Variants in UNC5D observed in about 807,000 individuals in gnomAD.
UNC5D encodes unc-5 netrin receptor D, also known as netrin receptor UNC5D.
A neutral mutation model predicts 105.4 loss-of-function variants in UNC5D; 39 were observed. That is an observed-to-expected ratio of 0.37 (90% CI 0.29 to 0.48). The LOEUF (loss-of-function observed/expected upper bound fraction) is 0.48. Ranked by LOEUF, UNC5D falls within the 20% of genes least tolerant of loss-of-function variation. The pLI is 0.98. For synonymous variants in UNC5D, 452 were observed against 450.4 expected, an observed-to-expected ratio of 1.00 and a Z score of -0.04; for missense variants, 991 against 1,202.4, an observed-to-expected ratio of 0.82 and a Z score of 2.60.
intron 4 of UNC5D, among the ~76,000 whole-genome samples, chr8:35,670,785 G>GTTGATTGA (rs36042906): frequency 1.3e-5 from 2 of 151,856 alleles, no homozygotes; most frequent in South Asian, 2.1e-4. Flanking sequence ...TTGATGACAG[G>GTTGATTGA]TTGATAGGTG....
At position 35,471,965 on chromosome 8, in the gene UNC5D, T is replaced by TGAA. The variant is rs1216092312; in HGVS notation, c.104-77327_104-77326insGAA. Among the ~76,000 whole-genome samples the TGAA allele has an allele frequency of 3.5e-3, 539 of 152,328 alleles. 4 individuals are homozygous for TGAA. Among genetic ancestry groups the TGAA allele is most frequent in the African/African-American group, 0.012 (514 of 41,570 alleles). Reference sequence around the variant, plus strand: ...ATAAGCAGATATCTCAGTGTTTTCTTTGTGAATCAGTACTAGACAGGTAAA... The same window carrying TGAA: ...ATAAGCAGATATCTCAGTGTTTTCTTGAATGTGAATCAGTACTAGACAGGTAAA... On this transcript the variant is annotated intron_variant, in intron 1 of 16. Transcript: ENST00000404895.
intron 1 of UNC5D, among the ~76,000 whole-genome samples, chr8:35,314,617 T>C (rs1263192608): frequency 2.0e-5 from 3 of 152,170 alleles, no homozygotes; most frequent in Admixed American, 2.0e-4. Flanking sequence ...AGTGAAGTAG[T>C]CTTGGCATAA....
intron 1 of UNC5D, among the ~76,000 whole-genome samples, chr8:35,409,672 A>AT (rs1421867157): frequency 6.6e-6 from 1 of 151,612 alleles, no homozygotes; most frequent in African/African-American, 2.4e-5. Context: ...ATTCGGATAC[A>AT]TTTTTTCCCA....
intron 1 of UNC5D, among the ~76,000 whole-genome samples, chr8:35,452,392 G>A (rs1585874971): frequency 1.3e-5 from 2 of 152,180 alleles, no homozygotes; most frequent in African/African-American, 4.8e-5. Context: ...AGCCTCCTGA[G>A]TGGCTGGAAC....
intron 12 of UNC5D, among the ~76,000 whole-genome samples, chr8:35,750,200 G>A (rs558294153): frequency 1.2e-4 from 18 of 151,956 alleles, no homozygotes; most frequent in Non-Finnish European, 2.4e-4. Context: ...TGCAGTGGAT[G>A]GATCTCCGCC....
chr8:35,749,286 A>G (rs867618406), intron 12 of UNC5D, among the ~76,000 whole-genome samples: 6 of 152,222 alleles, frequency 3.9e-5, no homozygotes, highest in African/African-American at 1.2e-4. Context: ...ATAAGACATT[A>G]ACAACAGGGA....
chr8:35,252,156 G>A (rs545509440), intron 1 of UNC5D, among the ~76,000 whole-genome samples: 1 of 151,814 alleles, frequency 6.6e-6, no homozygotes, highest in East Asian at 1.9e-4. Flanking sequence ...CTGAGTAGCT[G>A]GGACTACAGG....
At chr8:35,334,095 T>G (rs1157780042) in intron 1 of UNC5D, among the ~76,000 whole-genome samples, 1 of 152,194 alleles carries the variant, frequency 6.6e-6, no homozygotes, top group African/African-American at 2.4e-5. Context: ...GTATGCTCAT[T>G]TTAATATAAC....
chr8:35,587,790 GA>G (rs937484552), intron 3 of UNC5D, among the ~76,000 whole-genome samples: 18 of 151,682 alleles, frequency 1.2e-4, no homozygotes, highest in African/African-American at 3.6e-4. Flanking sequence ...AGAAGAAAGG[GA>G]TCTTTTTTTG....
intron 8 of UNC5D, among the ~76,000 whole-genome samples, chr8:35,714,235 G>A (rs986657260): frequency 6.6e-6 from 1 of 152,160 alleles, no homozygotes; most frequent in Non-Finnish European, 1.5e-5. Context: ...TGTCCCTGGT[G>A]GTGTCATTAC....
At chr8:35,680,537 A>T (rs1329269974) in intron 4 of UNC5D, among the ~76,000 whole-genome samples, 1 of 152,190 alleles carries the variant, frequency 6.6e-6, no homozygotes, top group Admixed American at 6.5e-5. Context: ...ATACCATTCA[A>T]TTATTAACCT....
chr8:35,787,267 T>C (rs1397608085), intron 16 of UNC5D, among the ~76,000 whole-genome samples: 4 of 152,222 alleles, frequency 2.6e-5, no homozygotes, highest in South Asian at 2.1e-4. Context: ...ATACAAAATG[T>C]AACTATAAAT....
chr8:35,426,035 G>T (rs1234180789), intron 1 of UNC5D, among the ~76,000 whole-genome samples: 1 of 151,956 alleles, frequency 6.6e-6, no homozygotes, highest in Non-Finnish European at 1.5e-5. Flanking sequence ...ACCTAAGGCG[G>T]CCCATTTCAT....
chr8:35,315,123 A>G (rs1421343910), intron 1 of UNC5D, among the ~76,000 whole-genome samples: 1 of 152,210 alleles, frequency 6.6e-6, no homozygotes, highest in Non-Finnish European at 1.5e-5. Flanking sequence ...AGTTATAATT[A>G]TAACAGCTTA....
intron 1 of UNC5D, among the ~76,000 whole-genome samples, chr8:35,497,511 G>A (rs781605996): frequency 1.2e-4 from 19 of 152,092 alleles, no homozygotes; most frequent in African/African-American, 2.2e-4. Flanking sequence ...GAGGTGTAGC[G>A]CCAGAAGAGA....
Position 35,376,096 on chromosome 8 carries a change from A to G in UNC5D, c.103+140209A>G, listed in dbSNP as rs894852982. 1.8e-4 allele frequency among the ~76,000 whole-genome samples: 27 copies of G among 152,136 alleles called. 1 individual carries two copies. The highest frequency in any genetic ancestry group is 3.4e-4 in the Non-Finnish European group (23 of 68,018). On this transcript the variant is annotated intron_variant, in intron 1 of 16. Transcript: ENST00000404895. ...CTTACCACTTTCTATCTCAAGTAAA[A>G]TTGGAGTTATCAAAACGAATTGAAA...
At chr8:35,535,478 T>C (rs1814766673) in intron 1 of UNC5D, among the ~76,000 whole-genome samples, 1 of 151,508 alleles carries the variant, frequency 6.6e-6, no homozygotes. Context: ...GTAAGTCAAA[T>C]GCCAAAATCT....
At chr8:35,399,970 C>T (rs1160121283) in intron 1 of UNC5D, among the ~76,000 whole-genome samples, 1 of 152,108 alleles carries the variant, frequency 6.6e-6, no homozygotes, top group African/African-American at 2.4e-5. Context: ...AAAAAAACAG[C>T]TGTATGAGGA....
At chr8:35,613,108 C>T (rs1020338848) in intron 4 of UNC5D, among the ~76,000 whole-genome samples, 1 of 152,114 alleles carries the variant, frequency 6.6e-6, no homozygotes, top group Non-Finnish European at 1.5e-5. Context: ...GACAGAATCT[C>T]ACTCTGTCTC....
Sources: gnomAD v4.1 joint callset for allele counts (sites outside exome capture counted in the v4.1 genomes callset) on GRCh38, gnomAD v4.1.1 for gene constraint, MANE v1.5 for transcripts, NCBI Gene and HGNC (gene_info 2026-07-23, HGNC 2026-07-21) for gene names.